The following FURIN variants were observed in gnomAD, a reference collection of about 807,000 sequenced individuals.
The protein encoded by FURIN is furin, paired basic amino acid cleaving enzyme.
A neutral mutation model predicts 89.2 loss-of-function variants in FURIN; 18 were observed. That is an observed-to-expected ratio of 0.20 (90% CI 0.14 to 0.30). FURIN has a LOEUF of 0.30. Among genes scored for constraint, FURIN ranks in the 10% least tolerant of loss-of-function variants. FURIN has a pLI of 1.00. For missense variants in FURIN, 879 were observed against 1,100.5 expected (o/e 0.80, Z 2.85); for synonymous variants, 508 against 466.4 (o/e 1.09, Z -1.15).
rs1345807377 is a variant in FURIN at position 90,876,257 on chromosome 15, C to G, written c.180C>G (p.Ile60Met). 6.3e-7 allele frequency: 1 copy of G among 1,599,902 alleles called. No individual in the cohort carries two copies. Among genetic ancestry groups the G allele is most frequent in the Non-Finnish European group, 8.6e-7 (1 of 1,167,370 alleles). ...TCAGTCTCCCTGCTCTATTGCAGAT[C>G]TTCGGGGACTATTACCACTTCTGGC... is the stretch of plus-strand genomic sequence containing the variant. Reference protein sequence around the residue: ...RKHGFLNLGQIFGDYYHFWHR... With the variant: ...RKHGFLNLGQMFGDYYHFWHR... The change falls in exon 3 of 16, where the codon ATC becomes ATG. Residue 60 changes from isoleucine to methionine, a missense_variant and splice_region_variant. Around this residue, in one of 5 missense-constraint regions of FURIN, gnomAD observed 125 missense variants for 125.0 expected, o/e 1.00. Coordinates refer to ENST00000268171, the MANE Select transcript of FURIN (RefSeq NM_002569.4). The surrounding 1 kb of genome is among the most constrained non-coding windows in gnomAD (Gnocchi z 5.0).
Position 90,876,726 on chromosome 15 carries a change from C to T in FURIN, c.372+169C>T, listed in dbSNP as rs965607093. Reference sequence around the variant, plus strand: ...CCTAATAAGCAAGCCTGGGGGTGGCCCTCCCAGAGTCCTCTACATTCCCAT... The same window carrying T: ...CCTAATAAGCAAGCCTGGGGGTGGCTCTCCCAGAGTCCTCTACATTCCCAT... On this transcript the variant is annotated intron_variant, in intron 4 of 15. Coordinates refer to ENST00000268171, the MANE Select transcript of FURIN (RefSeq NM_002569.4). This position sits in a 1 kb window ranked among gnomAD's most constrained non-coding sequence, Gnocchi z 5.0. 2.0e-5 allele frequency among the ~76,000 whole-genome samples: 3 copies of T among 152,156 alleles called. No individual in the cohort carries two copies. Among genetic ancestry groups the T allele is most frequent in the Admixed American group, 6.5e-5 (1 of 15,286 alleles).
intron 7 of FURIN, among the ~76,000 whole-genome samples, chr15:90,877,898 C>A (rs992882390): frequency 6.6e-6 from 1 of 152,224 alleles, no homozygotes; most frequent in Non-Finnish European, 1.5e-5. Context: ...GAGACTCTTT[C>A]TAGTCCTGAA....
Position 90,880,678 on chromosome 15 carries a change from C to A in FURIN, c.1557-13C>A, listed in dbSNP as rs1203042971. The A allele has an allele frequency of 6.2e-7, 1 of 1,608,500 alleles. No homozygotes were observed. The highest frequency in any genetic ancestry group is 1.7e-5 in the Admixed American group (1 of 59,544). On this transcript the variant is annotated splice_polypyrimidine_tract_variant and intron_variant, in intron 13 of 15. Transcript: ENST00000268171. ...CGCAGAGGCCTCAGGGCTGTGTGCA[C>A]TCCCCTCCCCAGGCCACATGACTAC...
chr15:90,879,828 T>C, intron 11 of FURIN, 39 bp from the exon 12 acceptor site: 1 of 1,597,866 alleles, frequency 6.3e-7, no homozygotes. Context: ...GAAGGCACTC[T>C]GTGCCTGACA....
At position 90,879,550 on chromosome 15, in the gene FURIN, T is replaced by C; in HGVS notation, c.1154+6T>C. The C allele has an allele frequency of 6.2e-7, 1 of 1,601,726 alleles. No individual in the cohort carries two copies. Among genetic ancestry groups the C allele is most frequent in the Non-Finnish European group, 8.6e-7 (1 of 1,169,056 alleles). On this transcript the variant is annotated splice_donor_region_variant and intron_variant, in intron 10 of 15. Coordinates refer to ENST00000268171, the MANE Select transcript of FURIN (RefSeq NM_002569.4). ...GCTCTCACCCTGGAGGCCAAGTAAG[T>C]GGGTGGGGGCCAGCGGCAACCCTGT...
intron 1 of FURIN, among the ~76,000 whole-genome samples, chr15:90,870,281 TAAG>T (rs1246753758): frequency 6.6e-6 from 1 of 152,192 alleles, no homozygotes; most frequent in East Asian, 1.9e-4. Context: ...CCAGTTGCCT[TAAG>T]AATTATCATG....
At chr15:90,879,320 C>T in intron 9 of FURIN, 124 bp from the exon 10 acceptor site, 1 of 747,938 alleles carries the variant, frequency 1.3e-6, no homozygotes, top group East Asian at 2.6e-5. Context: ...ACCTGGGGTT[C>T]TTGGCCCTGG....
chr15:90,877,187 G>A lies in FURIN; in HGVS notation c.554G>A (p.Arg185Gln), dbSNP rs1282092505. Residue 185 changes from arginine (R) to glutamine (Q), a missense_variant, in exon 6 of 16, where the codon CGG becomes CAG. By Grantham distance (43) the Arg-to-Gln change is conservative. Coordinates refer to ENST00000268171, the MANE Select transcript of FURIN (RefSeq NM_002569.4). ...VNDQDPDPQP[R>Q]YTQMNDNRHG... ...GACCAGGACCCTGACCCCCAGCCTC[G>A]GTACACACAGATGAATGACAACAGG... is the stretch of plus-strand genomic sequence containing the variant. 18 of 1,610,478 alleles carry A rather than the reference G, an allele frequency of 1.1e-5. No individual in the cohort carries two copies. The highest frequency in any genetic ancestry group is 1.4e-5 in the Non-Finnish European group (16 of 1,178,200).
At position 90,883,455 on chromosome 15, in the gene FURIN, C is replaced by T. The variant is rs2032149643; in HGVS notation, c.*1577C>T. 3 of 152,576 alleles carry T rather than the reference C, an allele frequency of 2.0e-5. No homozygotes were observed. The highest frequency in any genetic ancestry group is 2.0e-4 in the Admixed American group (3 of 15,288). The allele number at this position is 152,576 out of a possible 1,614,324, so 9.5% of individuals were successfully genotyped here. On this transcript the variant is annotated 3_prime_UTR_variant, in exon 16 of 16. Coordinates refer to ENST00000268171, the MANE Select transcript of FURIN (RefSeq NM_002569.4). ...GATTAAACGTGCAGACTATGCAAAC[C>T]AGGCCCAGTCTCCAGTGTGGTACCG... is the stretch of plus-strand genomic sequence containing the variant.
Position 90,877,521 on chromosome 15 carries a change from TG to T in FURIN, c.579-4del. 6.4e-7 allele frequency: 1 copy of T among 1,564,194 alleles called. No homozygotes were observed. Among genetic ancestry groups the T allele is most frequent in the Non-Finnish European group, 8.7e-7 (1 of 1,153,776 alleles). The stretch of plus-strand genomic sequence containing the variant: ...TCTACTCATGCTACGTGCTTGGCCC[TG>T]GCAGGCACGGCACACGGTGTGCGGG... On this transcript the variant is annotated splice_region_variant and splice_polypyrimidine_tract_variant and intron_variant, in intron 6 of 15. Transcript: ENST00000268171.
At position 90,880,140 on chromosome 15, in the gene FURIN, C is replaced by T. The variant is rs752731004; in HGVS notation, c.1423C>T (p.Leu475=). Residue 475 remains leucine (L), a synonymous_variant, in exon 13 of 16, where the codon CTG becomes TTG. Coordinates refer to ENST00000268171, the MANE Select transcript of FURIN (RefSeq NM_002569.4). ...GGTGCGGAAGACCGTGACCGCGTGCCTGGGCGAGCCCAACCACATCACTCG... is the reference window on the plus strand; with the variant it reads ...GGTGCGGAAGACCGTGACCGCGTGCTTGGGCGAGCCCAACCACATCACTCG... ...LEVRKTVTAC[L]GEPNHITRLE... 1.1e-5 allele frequency: 17 copies of T among 1,610,696 alleles called. No homozygotes were observed. In the South Asian group the frequency reaches 1.4e-4, roughly 14 times the overall value.
Position 90,876,351 on chromosome 15 carries a change from CAAGT to C in FURIN, c.275_276+2del. ...GCACAGCCGGCTGCAGAGGGAGCCT[CAAGT>C]GAGTGTGGCCCCAGCCCCCTCCTGC... is the stretch of plus-strand genomic sequence containing the variant. On this transcript the variant is annotated splice_donor_variant and coding_sequence_variant, in exon 3 of 16. Coordinates refer to ENST00000268171, the MANE Select transcript of FURIN (RefSeq NM_002569.4). LOFTEE classifies it high-confidence loss of function. This position sits in a 1 kb window ranked among gnomAD's most constrained non-coding sequence, Gnocchi z 5.0. The C allele has an allele frequency of 6.2e-7, 1 of 1,605,660 alleles. No individual in the cohort carries two copies. The highest frequency in any genetic ancestry group is 8.5e-7 in the Non-Finnish European group (1 of 1,172,592).
At position 90,876,208 on chromosome 15, in the gene FURIN, G is replaced by A. The variant is rs1323753701; in HGVS notation, c.178-47G>A. The A allele has an allele frequency of 7.6e-7, 1 of 1,318,928 alleles. No individual in the cohort carries two copies. Among genetic ancestry groups the A allele is most frequent in the Non-Finnish European group, 1.1e-6 (1 of 912,096 alleles). The allele number at this position is 1,318,928 out of a possible 1,614,324, so 81.7% of individuals were successfully genotyped here. ...TCCACCCCCGTCCCCCGCCTCCCGG[G>A]GACTGACAGATGGAAAGCCCAGCTC... On this transcript the variant is annotated intron_variant, in intron 2 of 15. Transcript: ENST00000268171. This position sits in a 1 kb window ranked among gnomAD's most constrained non-coding sequence, Gnocchi z 5.0.
At position 90,877,886 on chromosome 15, in the gene FURIN, CAGAG is replaced by C. The variant is rs992433792; in HGVS notation, c.668-244_668-241del. 2.0e-4 allele frequency among the ~76,000 whole-genome samples: 30 copies of C among 152,218 alleles called. 1 individual carries two copies. The highest frequency in any genetic ancestry group is 6.5e-4 in the African/African-American group (27 of 41,444). On this transcript the variant is annotated intron_variant, in intron 7 of 15. Transcript: ENST00000268171. ...TTGATCACCAGGCTCTTTTGGGAAC[CAGAG>C]ACTCTTTCTAGTCCTGAATGTGTGG...
In FURIN at chr15:90,875,646, C is replaced by A; in HGVS notation, c.-95C>A. On this transcript the variant is annotated 5_prime_UTR_variant, in exon 2 of 16. Coordinates refer to ENST00000268171, the MANE Select transcript of FURIN (RefSeq NM_002569.4). The stretch of plus-strand genomic sequence containing the variant: ...GCCCCATGCCCCCACCAGTCAGCCC[C>A]GGGCCACAGGCAGTGAGCAGGCACC... 1 of 1,175,064 alleles carries A rather than the reference C, an allele frequency of 8.5e-7. No homozygotes were observed. The highest frequency in any genetic ancestry group is 1.2e-6 in the Non-Finnish European group (1 of 853,782). The allele number at this position is 1,175,064 out of a possible 1,614,324, so 72.8% of individuals were successfully genotyped here. A position where few individuals can be genotyped will look rare whatever the true frequency, so the allele number is the denominator to read the frequency against.
In FURIN at chr15:90,876,880, G is replaced by C; in HGVS notation, c.373-16G>C. On this transcript the variant is annotated splice_polypyrimidine_tract_variant and intron_variant, in intron 4 of 15. Transcript: ENST00000268171. The surrounding 1 kb of genome is among the most constrained non-coding windows in gnomAD (Gnocchi z 5.0). ...CCAATCATGTCTCATAAGTGATGGG[G>C]TGGGTGTCTCCACAGTCTGGTGTCA... 6.2e-7 allele frequency: 1 copy of C among 1,613,664 alleles called. No individual in the cohort carries two copies. The highest frequency in any genetic ancestry group is 8.5e-7 in the Non-Finnish European group (1 of 1,179,620).
rs369220695 is a variant in FURIN, at chr15:90,878,283, C to A, written c.819C>A (p.Ala273=). The change falls in exon 8 of 16, where the codon GCC becomes GCA. Residue 273 remains alanine, a synonymous_variant. Transcript: ENST00000268171. ...VDGPARLAEE[A]FFRGVSQGRG... is the part of the protein sequence containing the mutation. ...GGCCAGCCCGCCTCGCCGAGGAGGCCTTCTTCCGTGGGGTTAGCCAGGTGA... is the reference window on the plus strand; with the variant it reads ...GGCCAGCCCGCCTCGCCGAGGAGGCATTCTTCCGTGGGGTTAGCCAGGTGA... 1 of 1,602,384 alleles carries A rather than the reference C, an allele frequency of 6.2e-7. No individual in the cohort carries two copies. The highest frequency in any genetic ancestry group is 8.5e-7 in the Non-Finnish European group (1 of 1,172,872).
chr15:90,881,840 G>A lies in FURIN; in HGVS notation c.2347G>A (p.Glu783Lys). Residue 783 changes from glutamate (E) to lysine (K), a missense_variant, in exon 16 of 16, where the codon GAG becomes AAG. Physicochemically the swap from Glu to Lys is moderately conservative, Grantham distance 56 (BLOSUM62 1). Transcript: ENST00000268171. This position sits in a 1 kb window ranked among gnomAD's most constrained non-coding sequence, Gnocchi z 4.3. ...CTCAGAAGAGGACGAGGGCCGGGGC[G>A]AGAGGACCGCCTTTATCAAAGACCA... is the stretch of plus-strand genomic sequence containing the variant. ...SDSEEDEGRGERTAFIKDQSA... is the reference protein window; with the variant it reads ...SDSEEDEGRGKRTAFIKDQSA... 6.2e-7 allele frequency: 1 copy of A among 1,613,032 alleles called. No individual in the cohort carries two copies. The highest frequency in any genetic ancestry group is 8.5e-7 in the Non-Finnish European group (1 of 1,179,950).
chr15:90,877,794 G>T (rs1279859269), intron 7 of FURIN, among the ~76,000 whole-genome samples, 179 bp downstream of exon 7: 1 of 152,186 alleles, frequency 6.6e-6, no homozygotes, highest in African/African-American at 2.4e-5. Flanking sequence ...CCTGTGGAGT[G>T]AGGGTTTCCT....
Sources: gnomAD v4.1 joint callset for allele counts (sites outside exome capture counted in the v4.1 genomes callset) on GRCh38, gnomAD v4.1.1 for gene constraint, gnomAD v4.1.1 regional missense constraint, Gnocchi (gnomAD v3.1) non-coding constraint, MANE v1.5 for transcripts, NCBI Gene and HGNC (gene_info 2026-07-23, HGNC 2026-07-21) for gene names.